Variants in IMMP2L observed in about 807,000 individuals in gnomAD.
The protein encoded by IMMP2L is mitochondrial inner membrane protease subunit 2.
IMMP2L carries 18 observed loss-of-function variants against 19.3 expected under a neutral mutation model. The ratio of observed to expected loss-of-function variants is 0.93; its 90% confidence interval spans 0.64 to 1.38. The LOEUF is 1.38. Among genes scored for constraint, IMMP2L ranks in the 40% most tolerant of loss-of-function variants. The probability of loss-of-function intolerance (pLI) is 0.00; values close to 1 mark genes in which losing one functional copy is unlikely to be tolerated. For synonymous variants in IMMP2L, 76 were observed against 73.0 expected (o/e 1.04, Z -0.21); for missense variants, 233 against 218.2 (o/e 1.07, Z -0.43).
chr7:110,846,088 C>T (rs375654339), intron 5 of IMMP2L, among the ~76,000 whole-genome samples: 2 of 152,090 alleles, frequency 1.3e-5, no homozygotes, highest in South Asian at 2.1e-4. Flanking sequence ...ACACATTGTT[C>T]TGGGTAAGGC....
intron 5 of IMMP2L, among the ~76,000 whole-genome samples, chr7:110,669,104 T>TACAGAG (rs769817541): frequency 2.8e-5 from 4 of 143,626 alleles, no homozygotes; most frequent in African/African-American, 1.1e-4. Flanking sequence ...TGTATATATA[T>TACAGAG]ATATAGAGAG....
chr7:111,237,553 A>G (rs1286892262), intron 3 of IMMP2L, among the ~76,000 whole-genome samples: 2 of 152,006 alleles, frequency 1.3e-5, no homozygotes, highest in Non-Finnish European at 2.9e-5. Flanking sequence ...TAATAACCAT[A>G]TATTTAGGCA....
intron 5 of IMMP2L, among the ~76,000 whole-genome samples, chr7:110,754,163 A>G (rs1262213645): frequency 6.6e-6 from 1 of 152,068 alleles, no homozygotes; most frequent in East Asian, 1.9e-4. Context: ...GGTAAAAGAT[A>G]ATCAACATTC....
At chr7:110,808,016 T>C (rs889465131) in intron 5 of IMMP2L, among the ~76,000 whole-genome samples, 1 of 152,020 alleles carries the variant, frequency 6.6e-6, no homozygotes, top group African/African-American at 2.4e-5. Flanking sequence ...ATTCTCAAAG[T>C]TTTAAAATTT....
At chr7:110,676,341 T>A (rs1166916643) in intron 5 of IMMP2L, among the ~76,000 whole-genome samples, 1 of 152,240 alleles carries the variant, frequency 6.6e-6, no homozygotes, top group Admixed American at 6.5e-5. Context: ...TTAGCGAATA[T>A]AACATTTGTT....
chr7:110,729,810 C>G (rs1391304998), intron 5 of IMMP2L, among the ~76,000 whole-genome samples: 2 of 152,148 alleles, frequency 1.3e-5, no homozygotes, highest in Non-Finnish European at 2.9e-5. Context: ...CTAATGGGTG[C>G]TGGGCTTAAT....
chr7:111,172,022 C>T (rs934199947), intron 3 of IMMP2L, among the ~76,000 whole-genome samples: 5 of 151,094 alleles, frequency 3.3e-5, no homozygotes, highest in Admixed American at 3.3e-4. Flanking sequence ...TCTGATTTAA[C>T]AGAAAACAGC....
At chr7:111,446,051 G>A (rs1005097332) in intron 3 of IMMP2L, among the ~76,000 whole-genome samples, 10 of 151,994 alleles carry the variant, frequency 6.6e-5, no homozygotes, top group Admixed American at 4.6e-4. Context: ...GGCTCGGAGG[G>A]TCCTACGCCC....
At chr7:110,930,678 T>C (rs1317227409) in intron 4 of IMMP2L, among the ~76,000 whole-genome samples, 1 of 152,206 alleles carries the variant, frequency 6.6e-6, no homozygotes, top group Non-Finnish European at 1.5e-5. Context: ...CTAGTGAAGT[T>C]TGAAGTCATA....
intron 3 of IMMP2L, among the ~76,000 whole-genome samples, chr7:110,995,143 C>T (rs527744051): frequency 3.3e-5 from 5 of 152,082 alleles, no homozygotes; most frequent in African/African-American, 9.6e-5. Context: ...AGAACTCAGA[C>T]ATAAGGATCA....
chr7:111,136,862 T>C (rs932677612), intron 3 of IMMP2L, among the ~76,000 whole-genome samples: 4 of 152,262 alleles, frequency 2.6e-5, no homozygotes, highest in Non-Finnish European at 5.9e-5. Flanking sequence ...GCAACCATAT[T>C]TTATATTATC....
intron 5 of IMMP2L, among the ~76,000 whole-genome samples, chr7:110,823,091 G>C (rs903008287): frequency 6.6e-6 from 1 of 152,016 alleles, no homozygotes; most frequent in Admixed American, 6.6e-5. Flanking sequence ...AATAAGATTT[G>C]AACAATGTTT....
chr7:111,262,325 G>T (rs1387886627), intron 3 of IMMP2L, among the ~76,000 whole-genome samples: 3 of 152,088 alleles, frequency 2.0e-5, no homozygotes, highest in Non-Finnish European at 4.4e-5. Context: ...AGTAGCCAGG[G>T]AGGGTTAGTA....
chr7:111,530,398 T>C (rs1419749960), intron 1 of IMMP2L, among the ~76,000 whole-genome samples: 6 of 152,140 alleles, frequency 3.9e-5, no homozygotes, highest in African/African-American at 1.2e-4. Context: ...ATAAAGCCCA[T>C]CTTCTAGGTG....
chr7:111,003,500 A>T (rs1384450187), intron 3 of IMMP2L, among the ~76,000 whole-genome samples: 2 of 151,936 alleles, frequency 1.3e-5, no homozygotes, highest in African/African-American at 2.4e-5. Context: ...TGTTCTTAAT[A>T]TTATAAATTT....
At chr7:111,380,086 C>T (rs1483574429) in intron 3 of IMMP2L, among the ~76,000 whole-genome samples, 1 of 151,826 alleles carries the variant, frequency 6.6e-6, no homozygotes, top group Non-Finnish European at 1.5e-5. Flanking sequence ...TAAATCACTG[C>T]TAATTTATTT....
chr7:110,950,853 T>TATATAC (rs1337541311), intron 4 of IMMP2L, among the ~76,000 whole-genome samples: 2 of 125,182 alleles, frequency 1.6e-5, no homozygotes, highest in Non-Finnish European at 3.1e-5. Context: ...TATATATATA[T>TATATAC]ATATATATAT....
At chr7:110,730,777 A>G (rs185624565) in intron 5 of IMMP2L, among the ~76,000 whole-genome samples, 29 of 152,210 alleles carry the variant, frequency 1.9e-4, no homozygotes, top group African/African-American at 4.6e-4. Context: ...CACCCGCCTC[A>G]GCCTCCCAAA....
intron 3 of IMMP2L, among the ~76,000 whole-genome samples, chr7:111,292,462 T>C (rs1239918279): frequency 6.6e-6 from 1 of 152,046 alleles, no homozygotes; most frequent in African/African-American, 2.4e-5. Context: ...TAGATGTAAA[T>C]GTACTCAGTT....
Sources: allele counts gnomAD v4.1 joint callset (sites outside exome capture counted in the v4.1 genomes callset), GRCh38; gene constraint gnomAD v4.1.1; transcripts MANE v1.5; gene names NCBI Gene and HGNC (gene_info 2026-07-23, HGNC 2026-07-21).